The following KSR1 variants were observed in gnomAD, a reference collection of about 807,000 sequenced individuals.
The protein encoded by KSR1 is kinase suppressor of ras.
Under a neutral mutation model 92.9 loss-of-function variants are expected in KSR1, and 35 were observed. The observed-to-expected ratio is 0.38, with a 90% confidence interval of 0.29 to 0.50. KSR1 has a LOEUF of 0.50. Ranked by LOEUF, KSR1 falls within the 20% of genes least tolerant of loss-of-function variation. KSR1 has a pLI of 0.94. For synonymous variants in KSR1, 467 were observed against 472.6 expected, an observed-to-expected ratio of 0.99 and a Z score of 0.15; for missense variants, 972 against 1,158.5, an observed-to-expected ratio of 0.84 and a Z score of 2.34.
At chr17:27,507,453 T>A (rs1015256054) in intron 1 of KSR1, among the ~76,000 whole-genome samples, 2 of 151,946 alleles carry the variant, frequency 1.3e-5, no homozygotes, top group Non-Finnish European at 2.9e-5. Flanking sequence ...ATATATATAT[T>A]TTTAATGTTT....
At chr17:27,620,792 A>G (rs2074202637) in intron 19 of KSR1, among the ~76,000 whole-genome samples, 1 of 152,230 alleles carries the variant, frequency 6.6e-6, no homozygotes, top group African/African-American at 2.4e-5. Flanking sequence ...CACTAGGTGG[A>G]CACTGGCATT....
chr17:27,523,929 T>C (rs1488228927), intron 1 of KSR1, among the ~76,000 whole-genome samples: 1 of 152,122 alleles, frequency 6.6e-6, no homozygotes, highest in African/African-American at 2.4e-5. Flanking sequence ...CAAGGAAGGA[T>C]GGAAACGGGC....
At chr17:27,596,955 T>A (rs1169334236) in intron 9 of KSR1, among the ~76,000 whole-genome samples, 3 of 152,132 alleles carry the variant, frequency 2.0e-5, no homozygotes, top group African/African-American at 4.8e-5. Flanking sequence ...GGTGCCCTGA[T>A]GAAAAACTGC....
intron 1 of KSR1, among the ~76,000 whole-genome samples, chr17:27,469,424 A>G (rs989683747): frequency 2.6e-5 from 4 of 152,174 alleles, no homozygotes; most frequent in African/African-American, 9.7e-5. Context: ...ACTATGGGAA[A>G]GAGCCCCTCA....
intron 1 of KSR1, among the ~76,000 whole-genome samples, chr17:27,533,954 C>T (rs1031118618): frequency 1.5e-5 from 2 of 136,776 alleles, no homozygotes; most frequent in Non-Finnish European, 1.6e-5. Context: ...GTGACAGGTG[C>T]GTGTGCGCAC....
At chr17:27,552,438 G>C (rs1246911868) in intron 2 of KSR1, among the ~76,000 whole-genome samples, 1 of 152,218 alleles carries the variant, frequency 6.6e-6, no homozygotes, top group Non-Finnish European at 1.5e-5. Flanking sequence ...ATAGCCCAGG[G>C]TTTGGCCCCA....
chr17:27,592,448 T>C, intron 8 of KSR1, 26 bp downstream of exon 8: 5 of 1,613,558 alleles, frequency 3.1e-6, no homozygotes, highest in Non-Finnish European at 4.2e-6. Context: ...TCCTCTCCTC[T>C]GCCTTCTGGA....
At chr17:27,475,502 C>T (rs1321660369) in intron 1 of KSR1, among the ~76,000 whole-genome samples, 2 of 152,172 alleles carry the variant, frequency 1.3e-5, no homozygotes, top group African/African-American at 2.4e-5. Flanking sequence ...CTCTGCCACT[C>T]ACTGAGGGCG....
intron 1 of KSR1, among the ~76,000 whole-genome samples, chr17:27,545,158 T>C (rs1031694652): frequency 1.3e-5 from 2 of 152,152 alleles, no homozygotes; most frequent in Non-Finnish European, 2.9e-5. Flanking sequence ...TTCTGCACAG[T>C]TCTACCCATG....
intron 2 of KSR1, chr17:27,560,310 G>T (rs1319701625): frequency 1.3e-5 from 5 of 381,278 alleles, no homozygotes; most frequent in Non-Finnish European, 2.1e-5. Context: ...GGAAGTTGTT[G>T]AAAGGAAGTG....
At chr17:27,523,184 A>C (rs1039263905) in intron 1 of KSR1, among the ~76,000 whole-genome samples, 7 of 152,200 alleles carry the variant, frequency 4.6e-5, no homozygotes, top group African/African-American at 1.4e-4. Flanking sequence ...GTACATTGTA[A>C]CATTTTTGGT....
intron 3 of KSR1, among the ~76,000 whole-genome samples, chr17:27,580,829 C>T (rs1204818515): frequency 6.6e-6 from 1 of 152,098 alleles, no homozygotes; most frequent in Non-Finnish European, 1.5e-5. Context: ...TGCAGTGGCG[C>T]GATCTTGGCT....
Position 27,597,373 on chromosome 17 carries a change from T to A in KSR1, c.1405T>A (p.Ser469Thr). ...PAPFPTSSNP[S>T]SATTPPNPSP... Reference sequence around the variant, plus strand: ...GCCCTTCCCGACATCATCCAACCCATCCAGCGCCACCACGCCCCCCAACCC... The same window carrying A: ...GCCCTTCCCGACATCATCCAACCCAACCAGCGCCACCACGCCCCCCAACCC... Residue 469 changes from serine to threonine, a missense_variant, in exon 10 of 21, where the codon TCC (serine) becomes ACC (threonine). Transcript: ENST00000644974. The A allele has an allele frequency of 6.2e-7, 1 of 1,613,668 alleles. No individual in the cohort carries two copies. The highest frequency in any genetic ancestry group is 8.5e-7 in the Non-Finnish European group (1 of 1,179,774).
intron 17 of KSR1, among the ~76,000 whole-genome samples, chr17:27,610,835 G>A (rs2073894773): frequency 6.6e-6 from 1 of 152,110 alleles, no homozygotes; most frequent in Non-Finnish European, 1.5e-5. Flanking sequence ...AAAATCTGGT[G>A]TGTTTTCTGC....
intron 1 of KSR1, among the ~76,000 whole-genome samples, chr17:27,542,185 C>T (rs139677057): frequency 2.4e-4 from 37 of 152,200 alleles, no homozygotes; most frequent in Admixed American, 1.1e-3. Context: ...ACTGACAATC[C>T]AGGTAGAGGA....
rs547720350 is a variant in KSR1, at chr17:27,624,632, A to T, written c.*1240A>T. 6.6e-6 allele frequency: 1 copy of T among 152,312 alleles called. No homozygotes were observed. Among genetic ancestry groups the T allele is most frequent in the African/African-American group, 2.4e-5 (1 of 41,572 alleles). The allele number at this position is 152,312 out of a possible 1,614,324, so 9.4% of individuals were successfully genotyped here. On this transcript the variant is annotated 3_prime_UTR_variant, in exon 21 of 21. Coordinates refer to ENST00000644974, the MANE Select transcript of KSR1 (RefSeq NM_001394583.1). ...CGTTAGAAACTCTTAACTGCAGAAA[A>T]AAGTTCCAGATGGCAAGGGAGCCCT...
At chr17:27,527,137 T>C (rs1053155621) in intron 1 of KSR1, 2 of 300,286 alleles carry the variant, frequency 6.7e-6, no homozygotes, top group Non-Finnish European at 1.3e-5. Context: ...CCAGCACATA[T>C]TTGTACTTTT....
intron 3 of KSR1, chr17:27,578,871 C>T (rs575432018): frequency 2.0e-5 from 3 of 152,304 alleles, no homozygotes; most frequent in East Asian, 3.9e-4. Context: ...GTGGCCACAT[C>T]GTTGTAAGAG....
chr17:27,603,733 G>A (rs2073647883), intron 11 of KSR1, 101 bp from the exon 12 acceptor site: 5 of 1,184,160 alleles, frequency 4.2e-6, no homozygotes, highest in South Asian at 3.8e-5. Context: ...TCCACTCAGG[G>A]GAAAATCAGC....
Sources: gnomAD v4.1 joint callset for allele counts (sites outside exome capture counted in the v4.1 genomes callset) on GRCh38, gnomAD v4.1.1 for gene constraint, MANE v1.5 for transcripts, NCBI Gene and HGNC (gene_info 2026-07-23, HGNC 2026-07-21) for gene names.